ST8SIA2: variants seen among roughly 807,000 people sequenced by gnomAD.
ST8SIA2 encodes the protein ST8 alpha-N-acetyl-neuraminide alpha-2,8-sialyltransferase 2, also known as alpha-2,8-sialyltransferase 8B.
In ST8SIA2, 22 loss-of-function variants were observed where a neutral mutation model predicts 37.6. The ratio of observed to expected loss-of-function variants is 0.58; its 90% confidence interval spans 0.42 to 0.83. The LOEUF is 0.83. Among genes scored for constraint, ST8SIA2 ranks in the 40% least tolerant of loss-of-function variants. The pLI, the probability that ST8SIA2 is intolerant of heterozygous loss-of-function variation, is 0.00. For missense variants in ST8SIA2, 382 were observed against 484.7 expected (o/e 0.79, Z 1.99); for synonymous variants, 205 against 201.2 (o/e 1.02, Z -0.16).
chr15:92,453,430 A>G (rs971864170), intron 5 of ST8SIA2, among the ~76,000 whole-genome samples: 1 of 152,220 alleles, frequency 6.6e-6, no homozygotes, highest in African/African-American at 2.4e-5. Flanking sequence ...TCAACCAAAG[A>G]GGAAAAAGTT....
At chr15:92,432,670 A>G (rs2049724265) in intron 2 of ST8SIA2, among the ~76,000 whole-genome samples, 1 of 152,198 alleles carries the variant, frequency 6.6e-6, no homozygotes, top group Admixed American at 6.5e-5. Context: ...CCTCTGCCTT[A>G]CTCAAAACTC....
intron 1 of ST8SIA2, among the ~76,000 whole-genome samples, chr15:92,420,110 C>G (rs3858916): frequency 0.026 from 4,015 of 152,226 alleles, 165 homozygotes; most frequent in African/African-American, 0.091. Context: ...CGTGATCTGC[C>G]TGCCTTGGCC....
intron 1 of ST8SIA2, among the ~76,000 whole-genome samples, chr15:92,398,117 G>A (rs2049445075): frequency 6.6e-6 from 1 of 152,144 alleles, no homozygotes. Flanking sequence ...CTGGGCGACA[G>A]AGCGAGACTC....
chr15:92,415,333 A>G (rs527898825), intron 1 of ST8SIA2, among the ~76,000 whole-genome samples: 1 of 151,982 alleles, frequency 6.6e-6, no homozygotes, highest in East Asian at 1.9e-4. Context: ...CACCTCTGCC[A>G]TTTCCTTAGG....
intron 3 of ST8SIA2, among the ~76,000 whole-genome samples, chr15:92,435,222 G>A (rs141261423): frequency 6.6e-5 from 10 of 152,294 alleles, no homozygotes; most frequent in African/African-American, 2.4e-4. Context: ...AGGTGGTGCT[G>A]CATCTTACAC....
At chr15:92,396,181 C>G (rs1223301398) in intron 1 of ST8SIA2, among the ~76,000 whole-genome samples, 1 of 152,240 alleles carries the variant, frequency 6.6e-6, no homozygotes, top group African/African-American at 2.4e-5. Flanking sequence ...TCTCTTGCCT[C>G]TCGTCCCAGG....
chr15:92,448,676 C>G (rs1342930941), intron 5 of ST8SIA2, among the ~76,000 whole-genome samples: 3 of 152,182 alleles, frequency 2.0e-5, no homozygotes, highest in Non-Finnish European at 4.4e-5. Context: ...CCACCTGCCA[C>G]TTGGAGAGCT....
chr15:92,442,719 C>T (rs1210808524), intron 4 of ST8SIA2, among the ~76,000 whole-genome samples: 1 of 152,112 alleles, frequency 6.6e-6, no homozygotes, highest in Non-Finnish European at 1.5e-5. Context: ...GGCAAGGGCT[C>T]CTGAAGGTGA....
At chr15:92,440,646 AG>A (rs2049794700) in intron 4 of ST8SIA2, among the ~76,000 whole-genome samples, 2 of 152,180 alleles carry the variant, frequency 1.3e-5, no homozygotes, top group African/African-American at 4.8e-5. Context: ...AAGATTATGC[AG>A]CCCCACTGGG....
In ST8SIA2 at chr15:92,428,834, G is replaced by C. The variant is rs186382633; in HGVS notation, c.99-1215G>C. ...CTGGGTAGGTCATAATACCCTTTCT[G>C]TTGTCTAATTATCTGCCTATGAAAT... is the stretch of plus-strand genomic sequence containing the variant. On this transcript the variant is annotated intron_variant, in intron 1 of 5. Transcript: ENST00000268164. Among the ~76,000 whole-genome samples, 765 of 152,324 alleles carry C rather than the reference G, an allele frequency of 5.0e-3. 6 individuals are homozygous for C. The highest frequency in any genetic ancestry group is 0.018 in the African/African-American group (731 of 41,558).
chr15:92,398,022 A>T (rs2049443865), intron 1 of ST8SIA2, among the ~76,000 whole-genome samples: 1 of 152,286 alleles, frequency 6.6e-6, no homozygotes, highest in Non-Finnish European at 1.5e-5. Flanking sequence ...AATACCAGCT[A>T]CTCGGGAGGC....
chr15:92,416,794 A>G (rs561632569), intron 1 of ST8SIA2, among the ~76,000 whole-genome samples: 2 of 152,176 alleles, frequency 1.3e-5, no homozygotes, highest in South Asian at 4.2e-4. Context: ...GTGCTGAAGA[A>G]AAAAAAATGC....
At chr15:92,462,858 A>G (rs3784722) in intron 5 of ST8SIA2, among the ~76,000 whole-genome samples, 52,558 of 152,142 alleles carry the variant, frequency 0.35, 9,239 homozygotes, top group East Asian at 0.44. Context: ...TAAAGACATT[A>G]GACCACACAT....
chr15:92,397,947 A>G (rs904208239), intron 1 of ST8SIA2, among the ~76,000 whole-genome samples: 5 of 152,160 alleles, frequency 3.3e-5, no homozygotes, highest in Non-Finnish European at 7.3e-5. Context: ...AGACTGGCCA[A>G]CATGGTGAAA....
intron 2 of ST8SIA2, 101 bp downstream of exon 2, chr15:92,430,212 G>T (rs1461632153): frequency 3.4e-6 from 4 of 1,182,720 alleles, no homozygotes; most frequent in African/African-American, 1.5e-5. Flanking sequence ...TTAGCAAATA[G>T]ATCTGTTTCG....
At chr15:92,414,351 T>C (rs2049571653) in intron 1 of ST8SIA2, among the ~76,000 whole-genome samples, 1 of 152,202 alleles carries the variant, frequency 6.6e-6, no homozygotes, top group African/African-American at 2.4e-5. Flanking sequence ...TGCTTGGCCC[T>C]GTCCTCTGGC....
intron 4 of ST8SIA2, 62 bp downstream of exon 4, chr15:92,438,672 C>T (rs2049778688): frequency 1.1e-5 from 16 of 1,507,074 alleles, no homozygotes; most frequent in Non-Finnish European, 1.4e-5. Context: ...TTCAGTGGAG[C>T]ATTGCCAGCT....
intron 3 of ST8SIA2, 105 bp from the exon 4 acceptor site, chr15:92,438,248 T>A: frequency 6.5e-7 from 1 of 1,530,440 alleles, no homozygotes; most frequent in Non-Finnish European, 9.0e-7. Context: ...GCGTGTTTGC[T>A]GGGCTGCAGC....
At chr15:92,427,489 G>A (rs1240145985) in intron 1 of ST8SIA2, among the ~76,000 whole-genome samples, 1 of 152,034 alleles carries the variant, frequency 6.6e-6, no homozygotes, top group Non-Finnish European at 1.5e-5. Context: ...GTTTGTTGAG[G>A]TTTGCTTTTA....
Sources: gnomAD v4.1 joint callset for allele counts (sites outside exome capture counted in the v4.1 genomes callset) on GRCh38, gnomAD v4.1.1 for gene constraint, MANE v1.5 for transcripts, NCBI Gene and HGNC (gene_info 2026-07-23, HGNC 2026-07-21) for gene names.